Variants in PVT1 observed in about 807,000 individuals in gnomAD.
PVT1 encodes the protein CXCR4/PVT1 fusion.
intron 3 of PVT1, among the ~76,000 whole-genome samples, chr8:127,914,156 G>T (rs1045342654): frequency 2.0e-5 from 3 of 149,974 alleles, no homozygotes; most frequent in Non-Finnish European, 4.4e-5. Context: ...CACATGAAAA[G>T]ATGCTCAGTA....
At position 128,015,789 on chromosome 8, in the gene PVT1, AAG is replaced by A. The variant is rs1406442857; in HGVS notation, n.912+26499_912+26500del. 5.0e-3 allele frequency among the ~76,000 whole-genome samples: 741 copies of A among 146,836 alleles called. 27 individuals are homozygous for A. The highest frequency in any genetic ancestry group is 0.019 in the African/African-American group (706 of 37,504). ...TTTGTCTCAAAAAAAAAAAAAAAAA[AAG>A]GTTTGAGAAGGGTTTTCCTGGTCAT... On this transcript the variant is annotated intron_variant and non_coding_transcript_variant, in intron 4 of 10. Transcript: ENST00000651587.
chr8:128,006,145 T>TAATAATAAA (rs1554603823), intron 4 of PVT1, among the ~76,000 whole-genome samples: 1,671 of 134,282 alleles, frequency 0.012, 18 homozygotes, highest in East Asian at 0.023. Context: ...ATAATAATAA[T>TAATAATAAA]AATAAAAAGA....
chr8:128,056,523 C>A (rs1380719517), intron 4 of PVT1, among the ~76,000 whole-genome samples: 1 of 152,202 alleles, frequency 6.6e-6, no homozygotes, highest in African/African-American at 2.4e-5. Context: ...GAGTCCCAGG[C>A]TGCTTTAACC....
At chr8:127,890,161 A>G (rs1815582798) in intron 2 of PVT1, among the ~76,000 whole-genome samples, 1 of 152,214 alleles carries the variant, frequency 6.6e-6, no homozygotes, top group South Asian at 2.1e-4. Flanking sequence ...AACAAAACAA[A>G]GAACTACTTC....
chr8:127,866,865 A>G (rs932107905), intron 2 of PVT1, among the ~76,000 whole-genome samples: 2 of 152,200 alleles, frequency 1.3e-5, no homozygotes, highest in African/African-American at 4.8e-5. Context: ...ACATTATGCC[A>G]GGTAAACACA....
chr8:127,876,552 TCTC>T (rs1200411829), intron 2 of PVT1, among the ~76,000 whole-genome samples: 1 of 152,080 alleles, frequency 6.6e-6, no homozygotes, highest in African/African-American at 2.4e-5. Context: ...TTTCCTCTCA[TCTC>T]CTCCCGCTTT....
At chr8:127,871,915 C>G (rs1815355506) in intron 2 of PVT1, among the ~76,000 whole-genome samples, 1 of 151,962 alleles carries the variant, frequency 6.6e-6, no homozygotes, top group Non-Finnish European at 1.5e-5. Context: ...ATGGCAAAAC[C>G]CCGTCTCCAC....
intron 4 of PVT1, among the ~76,000 whole-genome samples, chr8:128,035,062 G>T (rs556597820): frequency 2.4e-4 from 37 of 152,304 alleles, no homozygotes; most frequent in African/African-American, 8.9e-4. Flanking sequence ...GGGGTAGGGG[G>T]CAATAAAAGC....
chr8:127,987,426 A>G (rs1816982375), intron 3 of PVT1, among the ~76,000 whole-genome samples: 1 of 151,958 alleles, frequency 6.6e-6, no homozygotes, highest in Non-Finnish European at 1.5e-5. Context: ...CCATGTGCTG[A>G]GTCCCTACAC....
intron 3 of PVT1, among the ~76,000 whole-genome samples, chr8:127,967,276 G>A (rs1816713645): frequency 6.6e-6 from 1 of 152,028 alleles, no homozygotes; most frequent in African/African-American, 2.4e-5. Flanking sequence ...AGAATGAACT[G>A]GGCAGTGAAG....
At chr8:127,842,113 T>A (rs933327051) in intron 2 of PVT1, among the ~76,000 whole-genome samples, 4 of 151,476 alleles carry the variant, frequency 2.6e-5, no homozygotes, top group African/African-American at 9.7e-5. Flanking sequence ...TTAAAAGTTG[T>A]ATGGCCCATT....
chr8:127,807,786 A>C (rs1205857850), intron 2 of PVT1, among the ~76,000 whole-genome samples: 1 of 150,314 alleles, frequency 6.7e-6, no homozygotes, highest in African/African-American at 2.5e-5. Flanking sequence ...TTTTTTTTTG[A>C]GACGGAGTCT....
chr8:128,077,360 G>T (rs561389325), intron 5 of PVT1, among the ~76,000 whole-genome samples: 2 of 152,170 alleles, frequency 1.3e-5, no homozygotes, highest in African/African-American at 2.4e-5. Flanking sequence ...TGCTGAGCTC[G>T]CTGGGGTAGG....
At chr8:128,018,149 T>C (rs943857685) in intron 4 of PVT1, among the ~76,000 whole-genome samples, 1 of 152,170 alleles carries the variant, frequency 6.6e-6, no homozygotes, top group Non-Finnish European at 1.5e-5. Context: ...TCTTCAGCCA[T>C]GTAAACATGA....
In PVT1 at chr8:128,091,389, C is replaced by T. The variant is rs144914707; in HGVS notation, n.1115-5129C>T. On this transcript the variant is annotated intron_variant and non_coding_transcript_variant, in intron 5 of 10. Transcript: ENST00000651587. ...CACTCCTCTCCAGCTGGCTTTCTCACGCTGGAGAAGCCTGACCTTTATTCA... is the reference window on the plus strand; with the variant it reads ...CACTCCTCTCCAGCTGGCTTTCTCATGCTGGAGAAGCCTGACCTTTATTCA... 7.1e-3 allele frequency among the ~76,000 whole-genome samples: 1,085 copies of T among 152,276 alleles called. 4 individuals are homozygous for T. The highest frequency in any genetic ancestry group is 0.012 in the Non-Finnish European group (797 of 68,018).
intron 3 of PVT1, among the ~76,000 whole-genome samples, chr8:127,902,570 A>G (rs959273761): frequency 7.9e-5 from 12 of 151,788 alleles, no homozygotes; most frequent in Admixed American, 4.6e-4. Flanking sequence ...TAGTTTTTCA[A>G]TCCTTGTCCC....
chr8:127,941,688 T>C (rs1434560362), intron 3 of PVT1, among the ~76,000 whole-genome samples: 1 of 152,234 alleles, frequency 6.6e-6, no homozygotes, highest in Non-Finnish European at 1.5e-5. Flanking sequence ...TTTGTTATTA[T>C]AGTATATATG....
intron 4 of PVT1, among the ~76,000 whole-genome samples, chr8:127,995,262 C>G (rs16902511): frequency 0.26 from 39,215 of 152,052 alleles, 5,211 homozygotes; most frequent in East Asian, 0.42. Context: ...CTGTCTGTAT[C>G]CTGGCTTTGA....
chr8:128,033,160 A>G (rs998984133), intron 4 of PVT1, among the ~76,000 whole-genome samples: 1 of 152,246 alleles, frequency 6.6e-6, no homozygotes, highest in Non-Finnish European at 1.5e-5. Context: ...AGAGACTAGC[A>G]GGCACCTAGC....
Sources: gnomAD v4.1 joint callset for allele counts (sites outside exome capture counted in the v4.1 genomes callset) on GRCh38, gnomAD v4.1.1 for gene constraint, MANE v1.5 for transcripts, NCBI Gene and HGNC (gene_info 2026-07-23, HGNC 2026-07-21) for gene names.